The following ATPSCKMT variants were observed in gnomAD, a reference collection of about 807,000 sequenced individuals.
ATPSCKMT encodes ATP synthase c subunit lysine N-methyltransferase.
A neutral mutation model predicts 24.3 loss-of-function variants in ATPSCKMT; 24 were observed. That is an observed-to-expected ratio of 0.99 (90% CI 0.71 to 1.39). The LOEUF (loss-of-function observed/expected upper bound fraction) is 1.39. ATPSCKMT is among the 40% of genes most tolerant of loss of function. ATPSCKMT has a pLI of 0.00. For synonymous variants in ATPSCKMT, 95 were observed against 110.5 expected (o/e 0.86, Z 0.88); for missense variants, 311 against 298.4 (o/e 1.04, Z -0.31).
At chr5:10,245,219 G>A (rs1031225064) in intron 1 of ATPSCKMT, among the ~76,000 whole-genome samples, 13 of 151,504 alleles carry the variant, frequency 8.6e-5, no homozygotes, top group Non-Finnish European at 1.9e-4. Context: ...AGGAGATTGA[G>A]ACTATCCTGG....
At chr5:10,230,163 G>A (rs778093161) in intron 4 of ATPSCKMT, among the ~76,000 whole-genome samples, 1 of 152,016 alleles carries the variant, frequency 6.6e-6, no homozygotes, top group Non-Finnish European at 1.5e-5. Flanking sequence ...CCTACAGCTG[G>A]AATGAACTAA....
chr5:10,231,287 T>C (rs375229614), intron 4 of ATPSCKMT, among the ~76,000 whole-genome samples: 4 of 152,160 alleles, frequency 2.6e-5, no homozygotes, highest in African/African-American at 7.2e-5. Context: ...ATCTTCACAA[T>C]GCACACAGAA....
chr5:10,249,836 CGCCAA>C lies in ATPSCKMT; in HGVS notation c.16+17_16+21del, dbSNP rs750525349. ...ACCCCTTCTCATGCCCCCAGGAACCCGCCAAGCCGCTCCAGCCTCACCTCCTCCTC... is the reference window on the plus strand; with the variant it reads ...ACCCCTTCTCATGCCCCCAGGAACCCGCCGCTCCAGCCTCACCTCCTCCTC... On this transcript the variant is annotated intron_variant, in intron 1 of 4. Coordinates refer to ENST00000511437, the MANE Select transcript of ATPSCKMT (RefSeq NM_199133.4). 1.1e-5 allele frequency: 17 copies of C among 1,566,446 alleles called. No individual in the cohort carries two copies. The highest frequency in any genetic ancestry group is 1.3e-5 in the Non-Finnish European group (15 of 1,161,628).
intron 4 of ATPSCKMT, among the ~76,000 whole-genome samples, chr5:10,228,681 G>C (rs1024764033): frequency 6.6e-6 from 1 of 151,780 alleles, no homozygotes; most frequent in Admixed American, 6.6e-5. Flanking sequence ...CTATACCCAG[G>C]TTCAAATAAT....
intron 4 of ATPSCKMT, among the ~76,000 whole-genome samples, chr5:10,228,905 C>G (rs1049292361): frequency 6.6e-6 from 1 of 152,190 alleles, no homozygotes. Flanking sequence ...GTTGGGACTA[C>G]AGGCGTGAGC....
At chr5:10,237,017 G>A in intron 2 of ATPSCKMT, 1 of 1,296,866 alleles carries the variant, frequency 7.7e-7, no homozygotes, top group Non-Finnish European at 1.0e-6. Context: ...TTGTGAACAA[G>A]TAATAATATG....
intron 4 of ATPSCKMT, among the ~76,000 whole-genome samples, chr5:10,232,481 C>T (rs886388788): frequency 3.9e-5 from 6 of 152,170 alleles, no homozygotes; most frequent in Non-Finnish European, 8.8e-5. Flanking sequence ...CAAAGAAATG[C>T]ACAATAACCC....
intron 4 of ATPSCKMT, among the ~76,000 whole-genome samples, chr5:10,229,372 T>C (rs1744024867): frequency 6.6e-6 from 1 of 152,168 alleles, no homozygotes; most frequent in Admixed American, 6.5e-5. Flanking sequence ...TCATGAGCAG[T>C]GCGGTGTGTG....
chr5:10,244,286 G>GC (rs1473618257), intron 1 of ATPSCKMT: 2 of 152,120 alleles, frequency 1.3e-5, no homozygotes, highest in African/African-American at 4.8e-5. Context: ...TTGAAATATT[G>GC]CAAGAATTAC....
intron 2 of ATPSCKMT, among the ~76,000 whole-genome samples, chr5:10,237,897 C>T (rs1307312069): frequency 1.3e-5 from 2 of 152,142 alleles, no homozygotes; most frequent in African/African-American, 4.8e-5. Context: ...CACGCGTGCA[C>T]CATCATGCCT....
chr5:10,249,755 G>T, intron 1 of ATPSCKMT, 103 bp downstream of exon 1: 1 of 1,468,400 alleles, frequency 6.8e-7, no homozygotes, highest in Non-Finnish European at 9.1e-7. Flanking sequence ...GCCCGCACCC[G>T]GTCACCGCCT....
At chr5:10,245,768 G>C (rs4702683) in intron 1 of ATPSCKMT, among the ~76,000 whole-genome samples, 45,749 of 150,682 alleles carry the variant, frequency 0.3, 8,158 homozygotes, top group East Asian at 0.72. Context: ...AAAAGATTTT[G>C]CAATAATACT....
chr5:10,249,062 G>A (rs1323387774), intron 1 of ATPSCKMT, among the ~76,000 whole-genome samples: 1 of 152,052 alleles, frequency 6.6e-6, no homozygotes, highest in Non-Finnish European at 1.5e-5. Context: ...GAGGTCAGCC[G>A]TTCGAGACCA....
chr5:10,246,275 C>CAAA (rs1490874748), intron 1 of ATPSCKMT, among the ~76,000 whole-genome samples: 1 of 150,536 alleles, frequency 6.6e-6, no homozygotes, highest in African/African-American at 2.4e-5. Context: ...ACTAAAATAC[C>CAAA]AAAAAAAAAT....
At chr5:10,249,472 G>A (rs1745183125) in intron 1 of ATPSCKMT, 2 of 240,440 alleles carry the variant, frequency 8.3e-6, no homozygotes, top group Admixed American at 5.5e-5. Context: ...CCGTCACTTT[G>A]CAGACAGGGA....
At chr5:10,228,230 T>G (rs1743970237) in intron 4 of ATPSCKMT, among the ~76,000 whole-genome samples, 1 of 152,246 alleles carries the variant, frequency 6.6e-6, no homozygotes, top group African/African-American at 2.4e-5. Flanking sequence ...GCAATTTTTT[T>G]GTTTCTCAAT....
At chr5:10,242,858 A>C (rs1744713401) in intron 1 of ATPSCKMT, among the ~76,000 whole-genome samples, 1 of 152,270 alleles carries the variant, frequency 6.6e-6, no homozygotes, top group Non-Finnish European at 1.5e-5. Flanking sequence ...TTGAGTAGTA[A>C]CTAGGTGCAT....
In ATPSCKMT at chr5:10,226,514, C is replaced by A. The variant is rs563312246; in HGVS notation, c.*927G>T. On this transcript the variant is annotated 3_prime_UTR_variant, in exon 5 of 5. Coordinates refer to ENST00000511437, the MANE Select transcript of ATPSCKMT (RefSeq NM_199133.4). ...CAGATATATGAAGCTTGTCTACTCA[C>A]GTTCAAAGGTTTTCCTTAATTCGTC... The A allele has an allele frequency of 1.3e-5, 2 of 152,176 alleles. No individual in the cohort carries two copies. The highest frequency in any genetic ancestry group is 4.8e-5 in the African/African-American group (2 of 41,442). The allele number at this position is 152,176 out of a possible 1,614,324, so 9.4% of individuals were successfully genotyped here. A position where few individuals can be genotyped will look rare whatever the true frequency, so the allele number is the denominator to read the frequency against.
chr5:10,229,587 A>G (rs1442271948), intron 4 of ATPSCKMT, among the ~76,000 whole-genome samples: 1 of 152,208 alleles, frequency 6.6e-6, no homozygotes, highest in Non-Finnish European at 1.5e-5. Flanking sequence ...GTTACTCATC[A>G]GAGAGTCCCT....
Sources: allele counts gnomAD v4.1 joint callset (sites outside exome capture counted in the v4.1 genomes callset), GRCh38; gene constraint gnomAD v4.1.1; transcripts MANE v1.5; gene names NCBI Gene and HGNC (gene_info 2026-07-23, HGNC 2026-07-21).